Variants in ENG observed in about 807,000 individuals in gnomAD.
The protein encoded by ENG is endoglin.
Under a neutral mutation model 71.0 loss-of-function variants are expected in ENG, and 17 were observed. The observed-to-expected ratio is 0.24, with a 90% CI of 0.16 to 0.36. ENG has a LOEUF of 0.36. Ranked by LOEUF, ENG falls within the 10% of genes least tolerant of loss-of-function variation. The pLI is 1.00. For missense variants in ENG, 749 were observed against 868.3 expected (o/e 0.86, Z 1.73); for synonymous variants, 360 against 366.9 (o/e 0.98, Z 0.21).
intron 1 of ENG, among the ~76,000 whole-genome samples, chr9:127,848,769 A>G (rs1446754624): frequency 6.6e-6 from 1 of 152,180 alleles, no homozygotes; most frequent in African/African-American, 2.4e-5. Context: ...TTCCAGGACA[A>G]GGAGAGTCCA....
intron 1 of ENG, among the ~76,000 whole-genome samples, chr9:127,853,247 T>C (rs1046917370): frequency 1.2e-4 from 19 of 152,090 alleles, no homozygotes; most frequent in African/African-American, 4.6e-4. Context: ...GACTCTAAAA[T>C]GCCATCAGGT....
chr9:127,851,702 A>ACC (rs1256092519), intron 1 of ENG, among the ~76,000 whole-genome samples: 4 of 151,432 alleles, frequency 2.6e-5, no homozygotes, highest in Non-Finnish European at 5.9e-5. Context: ...AACATGGTGA[A>ACC]ACCCCGTCTC....
Position 127,854,299 on chromosome 9 carries a change from G to A in ENG, c.57C>T (p.Leu19=). The change falls in exon 1 of 15, where the codon CTC becomes CTT. Residue 19 remains leucine, a synonymous_variant. Coordinates refer to ENST00000373203, the MANE Select transcript of ENG (RefSeq NM_001114753.3). ...TCCCTGGACACCTACTTGTGGGGCT[G>A]AGGCTGCAGCTGGCCAGCAGCAGGG... is the stretch of plus-strand genomic sequence containing the variant. The part of the protein sequence containing the change: ...AVALLLASCS[L]SPTSLAETVH... 6.3e-7 allele frequency: 1 copy of A among 1,590,948 alleles called. No individual in the cohort carries two copies. Among genetic ancestry groups the A allele is most frequent in the Non-Finnish European group, 8.6e-7 (1 of 1,169,402 alleles).
intron 13 of ENG, 31 bp from the exon 14 acceptor site, chr9:127,816,084 A>C (rs758620464): frequency 6.2e-7 from 1 of 1,600,096 alleles, no homozygotes; most frequent in South Asian, 1.1e-5. Flanking sequence ...CAGCACTGCC[A>C]CTCTGCCCCT....
At chr9:127,844,773 C>A (rs1261356039) in intron 1 of ENG, among the ~76,000 whole-genome samples, 1 of 152,212 alleles carries the variant, frequency 6.6e-6, no homozygotes, top group African/African-American at 2.4e-5. Flanking sequence ...CATGGCAGGG[C>A]CTAGGTGTGA....
chr9:127,824,749 A>G (rs779719811), intron 7 of ENG, 51 bp downstream of exon 7: 3 of 1,411,312 alleles, frequency 2.1e-6, no homozygotes, highest in East Asian at 5.8e-5. Context: ...CAGTGTGGCC[A>G]CTGATCCAAG....
intron 2 of ENG, among the ~76,000 whole-genome samples, chr9:127,839,577 A>G (rs763640989): frequency 1.1e-4 from 17 of 152,020 alleles, no homozygotes; most frequent in Admixed American, 2.0e-4. Context: ...TGTTTTTGAG[A>G]CAGGGTCTTG....
chr9:127,840,957 G>A (rs996322407), intron 2 of ENG, among the ~76,000 whole-genome samples: 3 of 152,292 alleles, frequency 2.0e-5, no homozygotes, highest in South Asian at 4.1e-4. Context: ...TATTGCCCAC[G>A]GGATAAAGAT....
chr9:127,828,412 TCCCCTCTGGCCACCGG>T (rs369063236), intron 3 of ENG, among the ~76,000 whole-genome samples: 16 of 152,192 alleles, frequency 1.1e-4, no homozygotes, highest in African/African-American at 3.6e-4. Context: ...GGCCTCTTTG[TCCCCTCTGGCCACCGG>T]CCCCAGGGAG....
chr9:127,825,777 A>C lies in ENG; in HGVS notation c.607T>G (p.Leu203Val). 1 of 1,597,534 alleles carries C rather than the reference A, an allele frequency of 6.3e-7. No individual in the cohort carries two copies. Among genetic ancestry groups the C allele is most frequent in the Non-Finnish European group, 8.5e-7 (1 of 1,173,616 alleles). Residue 203 changes from leucine (L) to valine (V), a missense_variant, in exon 5 of 15, where the codon TTG becomes GTG. Physicochemically the swap from Leu to Val is conservative, Grantham distance 32. Coordinates refer to ENST00000373203, the MANE Select transcript of ENG (RefSeq NM_001114753.3). ...TLEWRPRTPA[L>V]VRGCHLEGVA... ...CCTTCCAAGTGGCAGCCCCGGACCA[A>C]GGCTGGAGTACGCGGCCGCCACTCG...
chr9:127,825,831 C>A lies in ENG; in HGVS notation c.553G>T (p.Glu185Ter). Residue 185 changes from glutamate to a stop codon, truncating the protein, a stop_gained, in exon 5 of 15, where the codon GAA becomes TAA. Coordinates refer to ENST00000373203, the MANE Select transcript of ENG (RefSeq NM_001114753.3). LOFTEE classifies it high-confidence loss of function. ...GTGCGGCCCATGTCCTGGCTGGCTT[C>A]CAGCATGCAGAAGGACAGTGACCCC... ...AQGSLSFCML[E>*]ASQDMGRTLE... is the part of the protein sequence containing the mutation. 1 of 1,597,580 alleles carries A rather than the reference C, an allele frequency of 6.3e-7. No individual in the cohort carries two copies. The highest frequency in any genetic ancestry group is 2.3e-5 in the East Asian group (1 of 43,998).
At chr9:127,827,496 T>A (rs1830649362) in intron 3 of ENG, among the ~76,000 whole-genome samples, 1 of 152,056 alleles carries the variant, frequency 6.6e-6, no homozygotes, top group South Asian at 2.1e-4. Context: ...GAAGACTTCC[T>A]GGAAGAGTGA....
intron 2 of ENG, among the ~76,000 whole-genome samples, chr9:127,839,182 C>T (rs575696986): frequency 3.0e-4 from 45 of 152,280 alleles, no homozygotes; most frequent in African/African-American, 1.1e-3. Context: ...CACCTGCGGC[C>T]CCCTGAAGCC....
At chr9:127,826,241 A>G (rs1830612153) in intron 4 of ENG, among the ~76,000 whole-genome samples, 1 of 152,234 alleles carries the variant, frequency 6.6e-6, no homozygotes, top group Non-Finnish European at 1.5e-5. Flanking sequence ...CTAGCATGAT[A>G]GGGCTTTGGC....
Position 127,824,861 on chromosome 9 carries a change from A to G in ENG, c.930T>C (p.Ile310=). Residue 310 remains isoleucine, a synonymous_variant, in exon 7 of 15, where the codon ATT becomes ATC. Transcript: ENST00000373203. The part of the protein sequence containing the change: ...LGEARMLNAS[I]VASFVELPLA... ...GCGGTAGCTCCACGAAGGATGCCAC[A>G]ATGCTGGCATTGAGCATCCGGGCCT... 1 of 1,609,220 alleles carries G rather than the reference A, an allele frequency of 6.2e-7. No individual in the cohort carries two copies. Among genetic ancestry groups the G allele is most frequent in the African/African-American group, 1.3e-5 (1 of 74,788 alleles).
intron 4 of ENG, 82 bp from the exon 5 acceptor site, chr9:127,825,942 T>C: frequency 2.6e-6 from 4 of 1,523,500 alleles, no homozygotes; most frequent in South Asian, 1.2e-5. Flanking sequence ...CAGCCAAAGA[T>C]AGTGGTGGGG....
At chr9:127,826,444 G>T in intron 4 of ENG, 66 bp downstream of exon 4, 2 of 1,601,218 alleles carry the variant, frequency 1.2e-6, no homozygotes, top group Non-Finnish European at 1.7e-6. Context: ...TGAGGTGTGG[G>T]CCAGAGGAGC....
intron 3 of ENG, among the ~76,000 whole-genome samples, chr9:127,828,144 G>A (rs1830670607): frequency 6.6e-6 from 1 of 151,876 alleles, no homozygotes. Context: ...GATGGCAACA[G>A]TAGACAAGAC....
chr9:127,816,178 C>A, intron 13 of ENG, 125 bp from the exon 14 acceptor site: 1 of 1,180,688 alleles, frequency 8.5e-7, no homozygotes, highest in Non-Finnish European at 1.2e-6. Context: ...CTTCTCTGAA[C>A]CTCAGTCTCC....
Sources: gnomAD v4.1 joint callset for allele counts (sites outside exome capture counted in the v4.1 genomes callset) on GRCh38, gnomAD v4.1.1 for gene constraint, MANE v1.5 for transcripts, NCBI Gene and HGNC (gene_info 2026-07-23, HGNC 2026-07-21) for gene names.